Variants in CSMD1 observed in about 807,000 individuals in gnomAD.
CSMD1 encodes CUB and Sushi multiple domains 1.
CSMD1 carries 213 observed loss-of-function variants against 417.5 expected under a neutral mutation model. The ratio of observed to expected loss-of-function variants is 0.51; its 90% confidence interval spans 0.46 to 0.57. The LOEUF is 0.57. Among genes scored for constraint, CSMD1 ranks in the 20% least tolerant of loss-of-function variants. CSMD1 has a pLI of 0.00. For missense variants in CSMD1, 6,923 were observed against 4,529.7 expected, an observed-to-expected ratio of 1.53 and a Z score of -15.17; for synonymous variants, 2,862 against 1,736.8, an observed-to-expected ratio of 1.65 and a Z score of -16.11.
chr8:3,708,903 G>T (rs1432884704), intron 6 of CSMD1, among the ~76,000 whole-genome samples: 2 of 152,058 alleles, frequency 1.3e-5, no homozygotes, highest in Non-Finnish European at 2.9e-5. Flanking sequence ...AGATAAAAAG[G>T]CCAGTTGCTC....
At chr8:3,910,567 T>G (rs1156487437) in intron 5 of CSMD1, among the ~76,000 whole-genome samples, 1 of 152,212 alleles carries the variant, frequency 6.6e-6, no homozygotes, top group Non-Finnish European at 1.5e-5. Flanking sequence ...GAGCAGACAG[T>G]ATTATGAATG....
chr8:4,792,107 C>T (rs574719922), intron 1 of CSMD1, among the ~76,000 whole-genome samples: 67 of 152,198 alleles, frequency 4.4e-4, no homozygotes, highest in African/African-American at 1.5e-3. Context: ...TCCCTTCCTC[C>T]GTATTTTCTA....
intron 2 of CSMD1, among the ~76,000 whole-genome samples, chr8:4,572,833 C>A (rs1311191921): frequency 2.6e-5 from 4 of 152,112 alleles, no homozygotes; most frequent in Non-Finnish European, 5.9e-5. Flanking sequence ...TCTTTTTTCT[C>A]TAATCTTGTC....
intron 1 of CSMD1, among the ~76,000 whole-genome samples, chr8:4,679,802 G>A (rs914348799): frequency 2.8e-4 from 42 of 151,852 alleles, no homozygotes; most frequent in African/African-American, 8.2e-4. Flanking sequence ...ATTATAAAAT[G>A]CATAATTATT....
chr8:4,392,111 A>G (rs551484858), intron 3 of CSMD1, among the ~76,000 whole-genome samples: 2 of 152,310 alleles, frequency 1.3e-5, no homozygotes, highest in African/African-American at 4.8e-5. Context: ...GACCAGCAGA[A>G]TCTGTACAGC....
At chr8:4,180,728 A>C (rs960945659) in intron 3 of CSMD1, among the ~76,000 whole-genome samples, 6 of 152,168 alleles carry the variant, frequency 3.9e-5, no homozygotes, top group African/African-American at 1.4e-4. Flanking sequence ...AGAAAAATGG[A>C]AACATGGCAC....
intron 5 of CSMD1, among the ~76,000 whole-genome samples, chr8:3,962,689 G>A (rs1812408906): frequency 1.3e-5 from 2 of 152,126 alleles, no homozygotes; most frequent in African/African-American, 4.8e-5. Flanking sequence ...GGTGGGGAGT[G>A]TGGTGCAGAG....
At chr8:3,556,852 C>CT in intron 10 of CSMD1, among the ~76,000 whole-genome samples, 1 of 144,708 alleles carries the variant, frequency 6.9e-6, no homozygotes, top group Non-Finnish European at 1.5e-5. Context: ...CTTACCCCCT[C>CT]TGGACAGATC....
chr8:4,770,013 A>G (rs1027696490), intron 1 of CSMD1, among the ~76,000 whole-genome samples: 1 of 152,016 alleles, frequency 6.6e-6, no homozygotes, highest in Non-Finnish European at 1.5e-5. Context: ...GCAGAAAGAC[A>G]TTATTCTGTT....
intron 5 of CSMD1, among the ~76,000 whole-genome samples, chr8:3,934,260 C>T (rs1308255097): frequency 6.6e-6 from 1 of 152,138 alleles, no homozygotes; most frequent in African/African-American, 2.4e-5. Flanking sequence ...AATAATCATT[C>T]CGCTGTTCTT....
intron 2 of CSMD1, among the ~76,000 whole-genome samples, chr8:4,570,979 G>C (rs1798865661): frequency 1.3e-5 from 2 of 152,024 alleles, no homozygotes; most frequent in Admixed American, 1.3e-4. Flanking sequence ...CTGTGGGATT[G>C]GTGGTGATAT....
chr8:3,915,717 T>C (rs888011259), intron 5 of CSMD1, among the ~76,000 whole-genome samples: 1 of 151,160 alleles, frequency 6.6e-6, no homozygotes, highest in Non-Finnish European at 1.5e-5. Flanking sequence ...ATTGGTTGAA[T>C]GTTAATTTAG....
intron 3 of CSMD1, among the ~76,000 whole-genome samples, chr8:4,278,794 T>C (rs1292537469): frequency 1.3e-5 from 2 of 152,202 alleles, no homozygotes; most frequent in East Asian, 3.8e-4. Flanking sequence ...TGGAATGCTT[T>C]CATTTGTGTT....
At chr8:3,972,228 A>C (rs532621966) in intron 5 of CSMD1, among the ~76,000 whole-genome samples, 1 of 152,208 alleles carries the variant, frequency 6.6e-6, no homozygotes, top group Non-Finnish European at 1.5e-5. Context: ...GGGAGAAAAA[A>C]AAAAGAACTT....
chr8:4,388,997 T>C (rs944477983), intron 3 of CSMD1, among the ~76,000 whole-genome samples: 1 of 152,238 alleles, frequency 6.6e-6, no homozygotes, highest in Admixed American at 6.5e-5. Context: ...TTCTTTGTAA[T>C]TGTTCAGGTG....
At chr8:4,141,158 G>A (rs750735409) in intron 3 of CSMD1, among the ~76,000 whole-genome samples, 4 of 151,034 alleles carry the variant, frequency 2.6e-5, no homozygotes, top group Admixed American at 6.6e-5. Context: ...GTAACAGAAC[G>A]TGTCTCTCAC....
At chr8:2,972,801 C>T (rs1477757795) in intron 57 of CSMD1, among the ~76,000 whole-genome samples, 1 of 152,294 alleles carries the variant, frequency 6.6e-6, no homozygotes, top group African/African-American at 2.4e-5. Flanking sequence ...CTCTGGAACC[C>T]CACTCACTCA....
chr8:3,169,598 T>C (rs1322665244), intron 37 of CSMD1, among the ~76,000 whole-genome samples: 3 of 152,152 alleles, frequency 2.0e-5, no homozygotes, highest in African/African-American at 4.8e-5. Flanking sequence ...TACAAAACAA[T>C]GTGCATATAC....
intron 26 of CSMD1, among the ~76,000 whole-genome samples, chr8:3,274,581 C>T (rs1802130716): frequency 1.3e-5 from 2 of 152,064 alleles, no homozygotes; most frequent in Admixed American, 1.3e-4. Context: ...TTGTAGGTCA[C>T]TCAGGACTTG....
Sources: allele counts gnomAD v4.1 joint callset (sites outside exome capture counted in the v4.1 genomes callset), GRCh38; gene constraint gnomAD v4.1.1; transcripts MANE v1.5; gene names NCBI Gene and HGNC (gene_info 2026-07-23, HGNC 2026-07-21).